Variants in FRK observed in about 807,000 individuals in gnomAD.
FRK encodes the protein fyn related Src family tyrosine kinase, also known as tyrosine-protein kinase FRK.
Under a neutral mutation model 56.4 loss-of-function variants are expected in FRK, and 51 were observed. The ratio of observed to expected loss-of-function variants is 0.90; its 90% CI spans 0.72 to 1.14. The LOEUF (loss-of-function observed/expected upper bound fraction) is 1.14, where lower values mean the gene tolerates loss of function less well. Among genes scored for constraint, FRK ranks in the 50% most tolerant of loss-of-function variants. The probability of loss-of-function intolerance (pLI) is 0.00; values close to 1 mark genes in which losing one functional copy is unlikely to be tolerated. For missense variants in FRK, 570 were observed against 601.4 expected (o/e 0.95, Z 0.55); for synonymous variants, 245 against 217.9 (o/e 1.12, Z -1.10).
intron 5 of FRK, among the ~76,000 whole-genome samples, chr6:115,955,907 G>A (rs912961441): frequency 6.6e-6 from 1 of 152,118 alleles, no homozygotes; most frequent in Non-Finnish European, 1.5e-5. Context: ...CTGACTACAG[G>A]AAGCAAACAG....
At chr6:116,001,438 G>A (rs998727717) in intron 2 of FRK, among the ~76,000 whole-genome samples, 3 of 152,068 alleles carry the variant, frequency 2.0e-5, no homozygotes, top group Non-Finnish European at 4.4e-5. Context: ...GATCCCAAGT[G>A]GCTAACTGGT....
intron 1 of FRK, among the ~76,000 whole-genome samples, chr6:116,046,773 A>C (rs2114804025): frequency 6.6e-6 from 1 of 151,790 alleles, no homozygotes; most frequent in East Asian, 1.9e-4. Context: ...CAGAACTTAA[A>C]GTATAATAAT....
intron 6 of FRK, among the ~76,000 whole-genome samples, 170 bp downstream of exon 6, chr6:115,944,074 A>G (rs1222346886): frequency 7.2e-5 from 11 of 152,140 alleles, no homozygotes; most frequent in African/African-American, 2.2e-4. Context: ...TCCTTGATTA[A>G]GAAATAGGAA....
chr6:115,942,587 T>C lies in FRK; in HGVS notation c.1345A>G (p.Asn449Asp). 6.2e-7 allele frequency: 1 copy of C among 1,613,792 alleles called. No homozygotes were observed. The highest frequency in any genetic ancestry group is 8.5e-7 in the Non-Finnish European group (1 of 1,179,764). Residue 449 changes from asparagine to aspartate, a missense_variant, in exon 8 of 8, where the codon AAC (asparagine) becomes GAC (aspartate). Transcript: ENST00000606080. ...GAQVIQMLAQ[N>D]YRLPQPSNCP... is the part of the protein sequence containing the mutation. ...TTGGATGGTTGCGGAAGTCTATAGT[T>C]TTGAGCCAACATCTGGATTACCTGG...
At chr6:115,953,075 T>C (rs1404567690) in intron 5 of FRK, among the ~76,000 whole-genome samples, 1 of 145,620 alleles carries the variant, frequency 6.9e-6, no homozygotes, top group African/African-American at 2.5e-5. Context: ...AGTATAATAA[T>C]AATAAAATAA....
the FRK span, among the ~76,000 whole-genome samples, chr6:116,100,666 G>T: frequency 6.6e-6 from 1 of 152,172 alleles, no homozygotes; most frequent in Admixed American, 6.5e-5. Context: ...ATCAGGAGTC[G>T]CCGGCATTGG....
intron 1 of FRK, among the ~76,000 whole-genome samples, chr6:116,005,550 G>T (rs1159268845): frequency 6.6e-6 from 1 of 152,196 alleles, no homozygotes; most frequent in Non-Finnish European, 1.5e-5. Context: ...TTCCCAGAAG[G>T]TAGAAAATTG....
At chr6:115,948,397 AC>A (rs1258724265) in intron 5 of FRK, among the ~76,000 whole-genome samples, 1 of 152,174 alleles carries the variant, frequency 6.6e-6, no homozygotes, top group African/African-American at 2.4e-5. Flanking sequence ...GAACCAGGAG[AC>A]CCAGCTAAGC....
intron 4 of FRK, among the ~76,000 whole-genome samples, chr6:115,958,708 A>AAAGAAAG (rs1562257460): frequency 2.4e-4 from 3 of 12,372 alleles, no homozygotes; most frequent in African/African-American, 9.9e-4. Context: ...AAGAAAGAAG[A>AAAGAAAG]AAGAAAGAAA....
chr6:116,008,273 C>A (rs1484436210), intron 1 of FRK, among the ~76,000 whole-genome samples: 4 of 152,002 alleles, frequency 2.6e-5, no homozygotes, highest in Non-Finnish European at 5.9e-5. Flanking sequence ...TTTTTTTAAT[C>A]CTCCTTTGTT....
chr6:115,977,323 G>A (rs1047142563), intron 2 of FRK, among the ~76,000 whole-genome samples: 1 of 152,112 alleles, frequency 6.6e-6, no homozygotes, highest in East Asian at 1.9e-4. Flanking sequence ...TCACGTAGAA[G>A]AGTTGTTCTC....
chr6:115,953,280 C>T (rs1201204909), intron 5 of FRK, among the ~76,000 whole-genome samples: 1 of 142,744 alleles, frequency 7.0e-6, no homozygotes, highest in Non-Finnish European at 1.5e-5. Flanking sequence ...AGCTCCGCCT[C>T]CTGGGTTCAC....
At chr6:116,014,635 AGTAGATCTTTG>A (rs561648171) in intron 1 of FRK, among the ~76,000 whole-genome samples, 1 of 152,270 alleles carries the variant, frequency 6.6e-6, no homozygotes, top group Non-Finnish European at 1.5e-5. Flanking sequence ...CCATGGAAGA[AGTAGATCTTTG>A]GTAAATTTGA....
At chr6:116,004,305 G>T (rs1391577501) in intron 1 of FRK, among the ~76,000 whole-genome samples, 3 of 152,068 alleles carry the variant, frequency 2.0e-5, no homozygotes, top group Non-Finnish European at 4.4e-5. Flanking sequence ...CAAAGCCCCA[G>T]TGTCTGCCTG....
chr6:115,958,569 A>T (rs539651071), intron 4 of FRK, among the ~76,000 whole-genome samples: 1 of 151,080 alleles, frequency 6.6e-6, no homozygotes, highest in African/African-American at 2.4e-5. Context: ...TGGAGGTTAC[A>T]GTGAGCTGAG....
At chr6:115,961,655 G>C (rs1183527211) in intron 4 of FRK, among the ~76,000 whole-genome samples, 2 of 66,752 alleles carry the variant, frequency 3.0e-5, no homozygotes, top group African/African-American at 5.9e-5. Context: ...GAAAGGTCGG[G>C]TTACCCTCAA....
chr6:116,085,685 C>T, the FRK span, among the ~76,000 whole-genome samples: 1 of 152,046 alleles, frequency 6.6e-6, no homozygotes, highest in Admixed American at 6.6e-5. Flanking sequence ...TCACCACATG[C>T]ACCACATGCA....
At chr6:116,100,504 T>A in the FRK span, among the ~76,000 whole-genome samples, 1 of 152,220 alleles carries the variant, frequency 6.6e-6, no homozygotes, top group African/African-American at 2.4e-5. Context: ...CATGATCTCC[T>A]GGTTTCCGAG....
intron 2 of FRK, among the ~76,000 whole-genome samples, chr6:115,990,711 C>T (rs1774567652): frequency 6.6e-6 from 1 of 151,798 alleles, no homozygotes; most frequent in Non-Finnish European, 1.5e-5. Context: ...TAATGTGATG[C>T]CTCCAACTTT....
Sources: allele counts gnomAD v4.1 joint callset (sites outside exome capture counted in the v4.1 genomes callset), GRCh38; gene constraint gnomAD v4.1.1; transcripts MANE v1.5; gene names NCBI Gene and HGNC (gene_info 2026-07-23, HGNC 2026-07-21).